MGAM2: variants seen among roughly 807,000 people sequenced by gnomAD.
MGAM2 encodes maltase-glucoamylase 2 (putative), also known as probable maltase-glucoamylase 2.
A neutral mutation model predicts 96.1 loss-of-function variants in MGAM2; 98 were observed. That is an observed-to-expected ratio of 1.02 (90% CI 0.87 to 1.21). The LOEUF is 1.21. MGAM2 is among the 50% of genes most tolerant of loss of function. The probability of loss-of-function intolerance (pLI) is 0.00; values close to 1 mark genes in which losing one functional copy is unlikely to be tolerated. For missense variants in MGAM2, 2,055 were observed against 1,182.4 expected (o/e 1.74, Z -10.82); for synonymous variants, 749 against 414.8 (o/e 1.81, Z -9.79).
At chr7:142,141,656 T>C (rs1795234152) in intron 12 of MGAM2, among the ~76,000 whole-genome samples, 1 of 151,980 alleles carries the variant, frequency 6.6e-6, no homozygotes. Context: ...CACGCCACCA[T>C]GCCTGACTAA....
chr7:142,122,652 A>G (rs1585140708), intron 3 of MGAM2, among the ~76,000 whole-genome samples: 1 of 152,270 alleles, frequency 6.6e-6, no homozygotes. Flanking sequence ...CATTCAGCAC[A>G]TTTTTGAGAT....
chr7:142,184,076 G>A (rs184055843), intron 33 of MGAM2, among the ~76,000 whole-genome samples: 3 of 142,980 alleles, frequency 2.1e-5, no homozygotes, highest in Admixed American at 7.4e-5. Flanking sequence ...AGGTTCAAGC[G>A]ATTCTCCTGC....
chr7:142,202,506 C>T (rs1281648321), intron 45 of MGAM2, among the ~76,000 whole-genome samples: 2 of 152,036 alleles, frequency 1.3e-5, no homozygotes, highest in African/African-American at 4.8e-5. Context: ...GTCTATTGTT[C>T]TCGTCTTTAT....
chr7:142,175,391 AG>A (rs1375243368), intron 31 of MGAM2, among the ~76,000 whole-genome samples: 3 of 152,242 alleles, frequency 2.0e-5, no homozygotes, highest in Admixed American at 2.0e-4. Context: ...ACATGAATTG[AG>A]GAAAGGAAAG....
intron 12 of MGAM2, among the ~76,000 whole-genome samples, chr7:142,142,757 C>A (rs1774002163): frequency 6.6e-6 from 1 of 152,026 alleles, no homozygotes; most frequent in African/African-American, 2.4e-5. Flanking sequence ...ACTCTCTCGG[C>A]CAGACTGGTC....
At chr7:142,142,537 T>G (rs950640304) in intron 12 of MGAM2, among the ~76,000 whole-genome samples, 1 of 142,734 alleles carries the variant, frequency 7.0e-6, no homozygotes, top group Non-Finnish European at 1.5e-5. Flanking sequence ...TTTTTTTTTT[T>G]TTTTTTTTTT....
Position 142,138,554 on chromosome 7 carries a change from C to T in MGAM2, c.973C>T (p.Pro325Ser). The change falls in exon 10 of 48, where the codon CCA (proline) becomes TCA (serine). Residue 325 changes from proline to serine, a missense_variant. Physicochemically the swap from Pro to Ser is moderately conservative, Grantham distance 74 (BLOSUM62 -1). Transcript: ENST00000477922. ...CTTATCTTTTCAGCTTGTTGGACGGCCATTCTTCCCTCCCTATTGGAGTCT... is the reference window on the plus strand; with the variant it reads ...CTTATCTTTTCAGCTTGTTGGACGGTCATTCTTCCCTCCCTATTGGAGTCT... ...VQEYLELVGR[P>S]FFPPYWSLGF... 1 of 703,006 alleles carries T rather than the reference C, an allele frequency of 1.4e-6. No individual in the cohort carries two copies. The highest frequency in any genetic ancestry group is 2.6e-6 in the Non-Finnish European group (1 of 384,950). The allele number at this position is 703,006 out of a possible 1,614,324, so 43.5% of individuals were successfully genotyped here.
chr7:142,141,412 A>G (rs1371555446), intron 12 of MGAM2, among the ~76,000 whole-genome samples: 1 of 152,198 alleles, frequency 6.6e-6, no homozygotes, highest in Admixed American at 6.5e-5. Flanking sequence ...CTTTCCCAAG[A>G]CAATAAATTC....
At chr7:142,175,383 A>G (rs1796339865) in intron 31 of MGAM2, among the ~76,000 whole-genome samples, 1 of 152,216 alleles carries the variant, frequency 6.6e-6, no homozygotes, top group South Asian at 2.1e-4. Flanking sequence ...TGGGAAAGAC[A>G]TGAATTGAGG....
At chr7:142,132,473 TATAAATTTCATAATTTA>T (rs1416336945) in intron 6 of MGAM2, among the ~76,000 whole-genome samples, 4 of 139,638 alleles carry the variant, frequency 2.9e-5, no homozygotes, top group Non-Finnish European at 6.1e-5. Context: ...ATTATAAAAT[TATAAATTTCATAATTTA>T]AAATTAAATT....
At chr7:142,139,980 G>A (rs1181186273) in intron 10 of MGAM2, among the ~76,000 whole-genome samples, 1 of 152,148 alleles carries the variant, frequency 6.6e-6, no homozygotes, top group African/African-American at 2.4e-5. Context: ...CTAAATGACT[G>A]CTCAGTATTA....
chr7:142,171,315 C>T lies in MGAM2; in HGVS notation c.3226C>T (p.Leu1076Phe), dbSNP rs1023556400. The change falls in exon 28 of 48, where the codon CTC becomes TTC. Residue 1076 changes from leucine (L) to phenylalanine (F), a missense_variant. Transcript: ENST00000477922. The stretch of plus-strand genomic sequence containing the variant: ...TGGCTTCATCTTCAATGACATGTTT[C>T]TCTCCATTTCTACGCGTCTGCCGTC... Reference protein sequence around the residue: ...LPGFIFNDMFLSISTRLPSQY... With the variant: ...LPGFIFNDMFFSISTRLPSQY... 8 of 702,768 alleles carry T rather than the reference C, an allele frequency of 1.1e-5. No homozygotes were observed. 43.5% of individuals were successfully genotyped at this position (702,768 alleles called of 1,614,324 possible).
At chr7:142,161,583 G>C (rs1795888433) in intron 22 of MGAM2, among the ~76,000 whole-genome samples, 1 of 152,090 alleles carries the variant, frequency 6.6e-6, no homozygotes, top group African/African-American at 2.4e-5. Flanking sequence ...TCTTTTCACT[G>C]TAAGGTTTCC....
intron 46 of MGAM2, among the ~76,000 whole-genome samples, chr7:142,217,868 G>A (rs917349001): frequency 1.3e-5 from 2 of 152,104 alleles, no homozygotes; most frequent in Non-Finnish European, 1.5e-5. Context: ...GGAGGATCAC[G>A]TGGTCAGGGA....
chr7:142,206,270 G>T (rs1398473554), intron 45 of MGAM2, among the ~76,000 whole-genome samples: 2 of 152,124 alleles, frequency 1.3e-5, no homozygotes, highest in South Asian at 2.1e-4. Flanking sequence ...TTTTAAAGCG[G>T]TTTTTCTCAA....
At chr7:142,134,553 T>C (rs1333612660) in intron 7 of MGAM2, among the ~76,000 whole-genome samples, 4 of 152,160 alleles carry the variant, frequency 2.6e-5, no homozygotes, top group Non-Finnish European at 4.4e-5. Context: ...GCTTTCATAC[T>C]GTTCTAGGTG....
At chr7:142,125,719 G>C (rs1794717186) in intron 3 of MGAM2, among the ~76,000 whole-genome samples, 1 of 152,098 alleles carries the variant, frequency 6.6e-6, no homozygotes, top group Admixed American at 6.6e-5. Context: ...TTTACATTGT[G>C]GCTTTTCAGG....
chr7:142,171,132 G>C (rs561809749), intron 27 of MGAM2, 140 bp from the exon 28 acceptor site: 8 of 687,910 alleles, frequency 1.2e-5, no homozygotes, highest in Non-Finnish European at 1.9e-5. Flanking sequence ...TTATGACCTG[G>C]GTCATGTCAC....
intron 44 of MGAM2, 33 bp from the exon 45 acceptor site, chr7:142,199,847 G>C (rs915298035): frequency 3.0e-6 from 2 of 656,572 alleles, no homozygotes; most frequent in African/African-American, 4.0e-5. Context: ...CTACAATCTA[G>C]AGAAAAATAA....
Sources: gnomAD v4.1 joint callset for allele counts (sites outside exome capture counted in the v4.1 genomes callset) on GRCh38, gnomAD v4.1.1 for gene constraint, MANE v1.5 for transcripts, NCBI Gene and HGNC (gene_info 2026-07-23, HGNC 2026-07-21) for gene names.